ERCC6L2: variants seen among roughly 807,000 people sequenced by gnomAD.
The protein encoded by ERCC6L2 is DNA excision repair protein ERCC-6-like 2.
Under a neutral mutation model 132.0 loss-of-function variants are expected in ERCC6L2, and 77 were observed. That is an observed-to-expected ratio of 0.58 (90% confidence interval 0.49 to 0.71). The LOEUF (loss-of-function observed/expected upper bound fraction) is 0.71. Ranked by LOEUF, ERCC6L2 falls within the 30% of genes least tolerant of loss-of-function variation. ERCC6L2 has a pLI of 0.00. For synonymous variants in ERCC6L2, 583 were observed against 632.4 expected (o/e 0.92, Z 1.17); for missense variants, 1,542 against 1,837.6 (o/e 0.84, Z 2.94).
intron 2 of ERCC6L2, among the ~76,000 whole-genome samples, chr9:95,890,877 C>T (rs11794219): frequency 0.012 from 1,792 of 152,284 alleles, 25 homozygotes; most frequent in Non-Finnish European, 0.016. Context: ...CCATGCTGCC[C>T]AGGCTGGCCT....
chr9:95,966,082 A>G (rs997917257), intron 13 of ERCC6L2, among the ~76,000 whole-genome samples: 3 of 152,122 alleles, frequency 2.0e-5, no homozygotes, highest in Non-Finnish European at 4.4e-5. Context: ...TAAAACAGTG[A>G]TAGGGTTTTT....
chr9:95,943,457 C>G (rs1468597008), intron 12 of ERCC6L2, among the ~76,000 whole-genome samples: 1 of 152,188 alleles, frequency 6.6e-6, no homozygotes, highest in East Asian at 1.9e-4. Flanking sequence ...TGCTCAAACT[C>G]CACCCTGCAG....
chr9:96,033,212 C>T (rs889990253), intron 19 of ERCC6L2, among the ~76,000 whole-genome samples: 1 of 151,774 alleles, frequency 6.6e-6, no homozygotes, highest in Non-Finnish European at 1.5e-5. Context: ...ACATATTATA[C>T]CTGAGAGGAT....
chr9:96,037,212 G>A (rs1273914738), intron 19 of ERCC6L2, among the ~76,000 whole-genome samples: 1 of 152,236 alleles, frequency 6.6e-6, no homozygotes, highest in African/African-American at 2.4e-5. Context: ...CCCTTAGGTA[G>A]CATGGCCTGG....
At chr9:95,983,946 G>A (rs113195864) in intron 17 of ERCC6L2, among the ~76,000 whole-genome samples, 30 of 152,020 alleles carry the variant, frequency 2.0e-4, no homozygotes, top group African/African-American at 6.5e-4. Flanking sequence ...TTGTTCTGGC[G>A]ATTTCAATTT....
chr9:95,982,598 T>G (rs1290437940), intron 17 of ERCC6L2, among the ~76,000 whole-genome samples: 1 of 152,142 alleles, frequency 6.6e-6, no homozygotes, highest in Non-Finnish European at 1.5e-5. Context: ...GGGTGGGATA[T>G]TTCATGGTCT....
Position 95,907,342 on chromosome 9 carries a change from T to TG in ERCC6L2, c.788+71_788+72insG, listed in dbSNP as rs1829093621. The TG allele has an allele frequency of 1.1e-5, 12 of 1,067,128 alleles. No homozygotes were observed. The East Asian group carries it at 2.5e-4, about 22-fold the overall frequency. The allele number at this position is 1,067,128 out of a possible 1,614,324, so 66.1% of individuals were successfully genotyped here. On this transcript the variant is annotated intron_variant, in intron 4 of 18. Transcript: ENST00000653738. ...TTACATCCCTTTATATTAAGAGTTT[T>TG]TTTTTTTTTTTTTTTGAGACAGAGT...
intron 9 of ERCC6L2, among the ~76,000 whole-genome samples, chr9:95,926,657 A>G (rs994780791): frequency 9.9e-5 from 15 of 152,118 alleles, no homozygotes; most frequent in East Asian, 1.9e-4. Flanking sequence ...AGCACAAGGA[A>G]TTTTTAGGGC....
chr9:95,953,903 A>G (rs1275520580), intron 12 of ERCC6L2, among the ~76,000 whole-genome samples: 1 of 152,180 alleles, frequency 6.6e-6, no homozygotes, highest in Non-Finnish European at 1.5e-5. Context: ...TTTATTTATA[A>G]TACTTAATAT....
intron 9 of ERCC6L2, among the ~76,000 whole-genome samples, chr9:95,925,286 T>G (rs1317900003): frequency 6.6e-6 from 1 of 152,172 alleles, no homozygotes; most frequent in Non-Finnish European, 1.5e-5. Flanking sequence ...TCACTTTTCT[T>G]TCTCTTGAGA....
intron 14 of ERCC6L2, 21 bp downstream of exon 14, chr9:95,966,735 CT>C (rs1832179502): frequency 1.4e-6 from 2 of 1,388,478 alleles, no homozygotes; most frequent in Admixed American, 2.5e-5. Flanking sequence ...CTTCTCTGAC[CT>C]TTTCAATAAT....
At chr9:95,990,198 T>G (rs1833241832) in intron 17 of ERCC6L2, among the ~76,000 whole-genome samples, 1 of 152,178 alleles carries the variant, frequency 6.6e-6, no homozygotes, top group South Asian at 2.1e-4. Flanking sequence ...AGCAGGTTGA[T>G]GTAATGATTA....
intron 6 of ERCC6L2, among the ~76,000 whole-genome samples, chr9:95,919,767 C>T (rs917525443): frequency 1.3e-5 from 2 of 152,172 alleles, no homozygotes; most frequent in African/African-American, 4.8e-5. Context: ...GGATTTACAA[C>T]AGAGCCAATC....
intron 17 of ERCC6L2, among the ~76,000 whole-genome samples, chr9:95,982,750 G>C (rs1832942701): frequency 6.6e-6 from 1 of 151,962 alleles, no homozygotes; most frequent in Admixed American, 6.6e-5. Context: ...GTATTGACAC[G>C]AAAAAGGTTT....
At chr9:95,993,836 C>G (rs747595614) in intron 17 of ERCC6L2, among the ~76,000 whole-genome samples, 3 of 152,214 alleles carry the variant, frequency 2.0e-5, no homozygotes, top group Non-Finnish European at 2.9e-5. Flanking sequence ...ATCTCCCTCT[C>G]TCCCCAGAAA....
intron 19 of ERCC6L2, among the ~76,000 whole-genome samples, chr9:96,036,205 C>G (rs532891369): frequency 6.6e-6 from 1 of 152,054 alleles, no homozygotes; most frequent in Non-Finnish European, 1.5e-5. Flanking sequence ...CCCCATTTCC[C>G]GCCCCCAGCC....
intron 13 of ERCC6L2, among the ~76,000 whole-genome samples, chr9:95,961,366 G>A (rs1436245038): frequency 6.6e-6 from 1 of 152,082 alleles, no homozygotes; most frequent in Non-Finnish European, 1.5e-5. Flanking sequence ...GAATGCTACG[G>A]ATTACCAGCA....
chr9:96,035,525 T>C (rs1176387807), intron 19 of ERCC6L2, among the ~76,000 whole-genome samples: 1 of 151,686 alleles, frequency 6.6e-6, no homozygotes, highest in Non-Finnish European at 1.5e-5. Flanking sequence ...GCAGAGAGAG[T>C]GGGGCAACCT....
chr9:95,913,673 C>T (rs1020535557), intron 4 of ERCC6L2, among the ~76,000 whole-genome samples: 1 of 152,234 alleles, frequency 6.6e-6, no homozygotes, highest in African/African-American at 2.4e-5. Flanking sequence ...CTGCTTCCAT[C>T]TCCAGTCCCT....
Sources: allele counts gnomAD v4.1 joint callset (sites outside exome capture counted in the v4.1 genomes callset), GRCh38; gene constraint gnomAD v4.1.1; transcripts MANE v1.5; gene names NCBI Gene and HGNC (gene_info 2026-07-23, HGNC 2026-07-21).